LRBA: variants seen among roughly 807,000 people sequenced by gnomAD.
LRBA encodes LPS responsive beige-like anchor protein.
LRBA carries 176 observed loss-of-function variants against 330.0 expected under a neutral mutation model. That is an observed-to-expected ratio of 0.53 (90% CI 0.47 to 0.60). The LOEUF (loss-of-function observed/expected upper bound fraction) is 0.60, where lower values mean the gene tolerates loss of function less well. Among genes scored for constraint, LRBA ranks in the 20% least tolerant of loss-of-function variants. The probability of loss-of-function intolerance (pLI) is 0.00; values close to 1 mark genes in which losing one functional copy is unlikely to be tolerated. For synonymous variants in LRBA, 1,230 were observed against 1,193.0 expected, an observed-to-expected ratio of 1.03 and a Z score of -0.64; for missense variants, 3,259 against 3,444.8, an observed-to-expected ratio of 0.95 and a Z score of 1.35.
chr4:150,587,881 C>T (rs1772313836), intron 40 of LRBA, among the ~76,000 whole-genome samples, 167 bp downstream of exon 40: 1 of 152,058 alleles, frequency 6.6e-6, no homozygotes, highest in Non-Finnish European at 1.5e-5. Context: ...AATAATCTAA[C>T]TAACTGGTAG....
chr4:150,915,896 G>A (rs1329955616), intron 7 of LRBA, among the ~76,000 whole-genome samples, 169 bp from the exon 8 acceptor site: 5 of 151,886 alleles, frequency 3.3e-5, no homozygotes, highest in African/African-American at 9.7e-5. Context: ...CTATTCATGG[G>A]CCTTTCAACT....
intron 53 of LRBA, among the ~76,000 whole-genome samples, chr4:150,292,097 G>A (rs1728382549): frequency 6.6e-6 from 1 of 152,186 alleles, no homozygotes; most frequent in African/African-American, 2.4e-5. Flanking sequence ...TTCATTAGTT[G>A]TGTTTCTTTG....
At position 150,436,467 on chromosome 4, in the gene LRBA, A is replaced by G. The variant is rs10520069; in HGVS notation, c.6921+257T>C. Among the ~76,000 whole-genome samples the G allele has an allele frequency of 7.1e-3, 1,078 of 152,334 alleles. 48 individuals carry two copies. Among genetic ancestry groups the G allele is most frequent in the Admixed American group, 0.059 (907 of 15,298 alleles). On this transcript the variant is annotated intron_variant, in intron 45 of 56. Coordinates refer to ENST00000651943, the MANE Select transcript of LRBA (RefSeq NM_001364905.1). ...AATAGACTACATTTTAAAAGAATTTATGCTACAATTTGGAATCTGGTAAGA... is the reference window on the plus strand; with the variant it reads ...AATAGACTACATTTTAAAAGAATTTGTGCTACAATTTGGAATCTGGTAAGA...
chr4:150,753,838 T>C (rs945836154), intron 35 of LRBA, among the ~76,000 whole-genome samples: 1 of 151,984 alleles, frequency 6.6e-6, no homozygotes, highest in Non-Finnish European at 1.5e-5. Flanking sequence ...GAGTCCAAGG[T>C]GGGAGGATCA....
intron 48 of LRBA, among the ~76,000 whole-genome samples, chr4:150,347,012 T>TAC (rs1433278169): frequency 2.6e-5 from 4 of 152,032 alleles, no homozygotes; most frequent in Middle Eastern, 3.2e-3. Context: ...TATATATATA[T>TAC]ACACAATGGA....
chr4:150,365,010 G>A (rs1360348668), intron 47 of LRBA, among the ~76,000 whole-genome samples: 1 of 151,578 alleles, frequency 6.6e-6, no homozygotes, highest in South Asian at 2.1e-4. Flanking sequence ...GTGTGTGTGT[G>A]AGAGAGAGAG....
intron 49 of LRBA, among the ~76,000 whole-genome samples, chr4:150,322,799 C>T (rs535088857): frequency 6.6e-6 from 1 of 152,268 alleles, no homozygotes; most frequent in Admixed American, 6.5e-5. Flanking sequence ...GTCAGTAATG[C>T]CTCATCTGAT....
At chr4:150,997,204 T>C (rs1304045912) in intron 2 of LRBA, among the ~76,000 whole-genome samples, 1 of 152,214 alleles carries the variant, frequency 6.6e-6, no homozygotes, top group Admixed American at 6.5e-5. Context: ...AGAAAGATAT[T>C]TGTGCAATAT....
At chr4:150,914,607 GTTAC>G (rs1459449127) in intron 8 of LRBA, among the ~76,000 whole-genome samples, 2 of 152,202 alleles carry the variant, frequency 1.3e-5, no homozygotes, top group Admixed American at 6.5e-5. Context: ...AGTATGGCAA[GTTAC>G]TTAACCTCTT....
chr4:150,883,726 T>C (rs1728648626), intron 17 of LRBA, among the ~76,000 whole-genome samples: 2 of 152,190 alleles, frequency 1.3e-5, no homozygotes. Context: ...ACATAACTAA[T>C]ATAAACATTT....
At chr4:150,639,047 T>C (rs1424266788) in intron 37 of LRBA, among the ~76,000 whole-genome samples, 1 of 126,942 alleles carries the variant, frequency 7.9e-6, no homozygotes, top group Non-Finnish European at 1.6e-5. Flanking sequence ...GTTCATGTCC[T>C]TTGTAGGGAC....
intron 37 of LRBA, among the ~76,000 whole-genome samples, chr4:150,605,483 A>G (rs912715373): frequency 6.6e-6 from 1 of 152,090 alleles, no homozygotes; most frequent in Admixed American, 6.5e-5. Context: ...AGCACTTCAT[A>G]TTTTGTTCTT....
rs568923009 is a variant in LRBA, at chr4:150,742,805, G to A, written c.5646-7439C>T. Among the ~76,000 whole-genome samples, 10 of 152,248 alleles carry A rather than the reference G, an allele frequency of 6.6e-5. No homozygotes were observed. In the East Asian group the frequency reaches 1.9e-3, roughly 29 times the overall value. On this transcript the variant is annotated intron_variant, in intron 35 of 56. Transcript: ENST00000651943. ...CTCAGCTACTCAAAAGGCCAAGGCA[G>A]GAGAATCACCTAAGCCCAGGAGGTA...
chr4:150,826,604 C>T (rs1248795735), intron 30 of LRBA, among the ~76,000 whole-genome samples: 2 of 152,036 alleles, frequency 1.3e-5, no homozygotes, highest in Non-Finnish European at 2.9e-5. Context: ...TCAGGAAGTA[C>T]CTTATCAGTA....
intron 33 of LRBA, among the ~76,000 whole-genome samples, chr4:150,800,388 A>G (rs908680106): frequency 1.3e-5 from 2 of 152,216 alleles, no homozygotes; most frequent in Non-Finnish European, 2.9e-5. Flanking sequence ...GGACACTGGT[A>G]CTGTAAACAC....
intron 56 of LRBA, among the ~76,000 whole-genome samples, chr4:150,273,202 A>G (rs1230649044): frequency 6.6e-6 from 1 of 152,224 alleles, no homozygotes; most frequent in African/African-American, 2.4e-5. Context: ...TTTCATATCC[A>G]GCCAAACTAA....
rs970182291 is a variant in LRBA at position 150,849,328 on chromosome 4, G to A, written c.4158+94C>T. 11 of 1,069,940 alleles carry A rather than the reference G, an allele frequency of 1.0e-5. No homozygotes were observed. The Admixed American group carries it at 1.2e-4, about 12-fold the overall frequency. The allele number at this position is 1,069,940 out of a possible 1,614,324, so 66.3% of individuals were successfully genotyped here. A position where few individuals can be genotyped will look rare whatever the true frequency, so the allele number is the denominator to read the frequency against. ...ATTGTTTTTTATTTATAGCACCTAC[G>A]ATGCATAGTAACCACCACATTTAAG... is the stretch of plus-strand genomic sequence containing the variant. On this transcript the variant is annotated intron_variant, in intron 25 of 56. Coordinates refer to ENST00000651943, the MANE Select transcript of LRBA (RefSeq NM_001364905.1).
At chr4:150,836,119 G>A (rs1322758432) in intron 28 of LRBA, among the ~76,000 whole-genome samples, 1 of 152,152 alleles carries the variant, frequency 6.6e-6, no homozygotes, top group Non-Finnish European at 1.5e-5. Flanking sequence ...ATTTCCATAT[G>A]TTGAACCAGC....
intron 40 of LRBA, among the ~76,000 whole-genome samples, chr4:150,494,723 C>T (rs1462796578): frequency 1.3e-5 from 2 of 152,134 alleles, no homozygotes; most frequent in African/African-American, 4.8e-5. Context: ...AGGCGGGGCA[C>T]GGTGGCTCAC....
Sources: gnomAD v4.1 joint callset for allele counts (sites outside exome capture counted in the v4.1 genomes callset) on GRCh38, gnomAD v4.1.1 for gene constraint, MANE v1.5 for transcripts, NCBI Gene and HGNC (gene_info 2026-07-23, HGNC 2026-07-21) for gene names.